The following DDAH1 variants were observed in gnomAD, a reference collection of about 807,000 sequenced individuals.
The protein encoded by DDAH1 is N(G),N(G)-dimethylarginine dimethylaminohydrolase 1.
In DDAH1, 19 loss-of-function variants were observed where a neutral mutation model predicts 28.8. The observed-to-expected ratio is 0.66, with a 90% CI of 0.46 to 0.97. DDAH1 has a LOEUF of 0.97. Among genes scored for constraint, DDAH1 ranks in the 50% least tolerant of loss-of-function variants. The probability of loss-of-function intolerance (pLI) is 0.00; values close to 1 mark genes in which losing one functional copy is unlikely to be tolerated. For missense variants in DDAH1, 326 were observed against 375.9 expected, an observed-to-expected ratio of 0.87 and a Z score of 1.10; for synonymous variants, 153 against 154.4, an observed-to-expected ratio of 0.99 and a Z score of 0.07.
At chr1:85,324,691 C>A in intron 5 of DDAH1, 49 bp downstream of exon 5, 1 of 1,605,504 alleles carries the variant, frequency 6.2e-7, no homozygotes, top group African/African-American at 1.3e-5. Flanking sequence ...TGAAAAAATC[C>A]CCAGGGAGGC....
chr1:85,490,220 C>A (rs1032794902), intron 2 of DDAH1, among the ~76,000 whole-genome samples: 1 of 152,022 alleles, frequency 6.6e-6, no homozygotes, highest in African/African-American at 2.4e-5. Flanking sequence ...AATATAGGAA[C>A]AATTTGAGGT....
At chr1:85,372,693 G>GT (rs948369970) in intron 1 of DDAH1, among the ~76,000 whole-genome samples, 2 of 151,924 alleles carry the variant, frequency 1.3e-5, no homozygotes, top group African/African-American at 4.8e-5. Flanking sequence ...AACACAGAAG[G>GT]TACTTCATAT....
chr1:85,536,670 G>A (rs559425683), intron 1 of DDAH1, among the ~76,000 whole-genome samples: 1 of 152,062 alleles, frequency 6.6e-6, no homozygotes. Context: ...AAACAGTGTT[G>A]GTAAGGATGT....
At chr1:85,324,086 A>G (rs1661468742) in intron 5 of DDAH1, among the ~76,000 whole-genome samples, 2 of 151,576 alleles carry the variant, frequency 1.3e-5, no homozygotes, top group Non-Finnish European at 2.9e-5. Context: ...CCTGGGCAAT[A>G]TAATGAAACC....
chr1:85,521,012 T>C (rs1232297456), intron 1 of DDAH1, among the ~76,000 whole-genome samples: 8 of 152,206 alleles, frequency 5.3e-5, no homozygotes, highest in African/African-American at 1.9e-4. Context: ...GCTCCTTCCC[T>C]GCTGAAAGTG....
At chr1:85,439,238 T>C (rs1333530712) in intron 1 of DDAH1, among the ~76,000 whole-genome samples, 3 of 152,244 alleles carry the variant, frequency 2.0e-5, no homozygotes, top group African/African-American at 7.2e-5. Context: ...GTAAAGACAA[T>C]TCGCCAACTA....
chr1:85,504,828 A>T (rs1387484727), intron 1 of DDAH1, among the ~76,000 whole-genome samples: 1 of 152,134 alleles, frequency 6.6e-6, no homozygotes, highest in South Asian at 2.1e-4. Context: ...CCTGATAATA[A>T]GAACTATCTG....
At chr1:85,347,875 C>T (rs1648967885) in intron 4 of DDAH1, among the ~76,000 whole-genome samples, 1 of 152,170 alleles carries the variant, frequency 6.6e-6, no homozygotes, top group South Asian at 2.1e-4. Context: ...ACCTGAGTTT[C>T]ACCAACCCAT....
intron 1 of DDAH1, among the ~76,000 whole-genome samples, chr1:85,552,958 A>T (rs1236352215): frequency 1.3e-5 from 2 of 151,902 alleles, no homozygotes; most frequent in Non-Finnish European, 1.5e-5. Context: ...ATGTAGCAGG[A>T]CTTTTGAGGC....
chr1:85,407,529 A>G (rs1344203841), intron 1 of DDAH1, among the ~76,000 whole-genome samples: 5 of 152,224 alleles, frequency 3.3e-5, no homozygotes, highest in African/African-American at 4.8e-5. Context: ...TCTTGCTTTT[A>G]TAACAATCGA....
At chr1:85,441,548 A>G (rs1034058285) in intron 1 of DDAH1, among the ~76,000 whole-genome samples, 2 of 152,170 alleles carry the variant, frequency 1.3e-5, no homozygotes, top group African/African-American at 4.8e-5. Context: ...TCAAAAAAGA[A>G]ATCAGTTGCT....
At chr1:85,342,939 C>T (rs902742604) in intron 4 of DDAH1, among the ~76,000 whole-genome samples, 1 of 152,156 alleles carries the variant, frequency 6.6e-6, no homozygotes, top group African/African-American at 2.4e-5. Context: ...TACTCAGATG[C>T]CTTTAAACCA....
intron 4 of DDAH1, among the ~76,000 whole-genome samples, chr1:85,347,961 G>A (rs754292673): frequency 6.6e-6 from 1 of 152,070 alleles, no homozygotes; most frequent in Non-Finnish European, 1.5e-5. Flanking sequence ...TCACTACAAG[G>A]TAACATGACA....
intron 2 of DDAH1, among the ~76,000 whole-genome samples, chr1:85,353,508 T>A (rs1277163612): frequency 6.6e-6 from 1 of 152,192 alleles, no homozygotes; most frequent in Non-Finnish European, 1.5e-5. Context: ...GAATCTTTTG[T>A]GGCACACTGA....
At chr1:85,401,860 C>T (rs577437321) in intron 1 of DDAH1, among the ~76,000 whole-genome samples, 8 of 152,240 alleles carry the variant, frequency 5.3e-5, no homozygotes, top group Middle Eastern at 3.4e-3. Context: ...ATTAGATTTT[C>T]AGTTATATGT....
At chr1:85,381,796 T>A (rs1651009355) in intron 1 of DDAH1, among the ~76,000 whole-genome samples, 1 of 152,168 alleles carries the variant, frequency 6.6e-6, no homozygotes, top group South Asian at 2.1e-4. Flanking sequence ...TCCAACAGCA[T>A]GTGCTTGCTT....
chr1:85,573,351 C>T (rs1176176437), intron 1 of DDAH1, among the ~76,000 whole-genome samples: 3 of 152,164 alleles, frequency 2.0e-5, no homozygotes, highest in East Asian at 1.9e-4. Context: ...AAATAAAACA[C>T]GAAAGGCAGA....
chr1:85,338,222 T>C lies in DDAH1; in HGVS notation c.597+12193A>G, dbSNP rs182695655. ...ATAATAAAAACTCACTGCAGATACA[T>C]TGTATTTTAATATACATATGTTATC... On this transcript the variant is annotated intron_variant, in intron 4 of 5. Transcript: ENST00000284031. Among the ~76,000 whole-genome samples, 18 of 152,338 alleles carry C rather than the reference T, an allele frequency of 1.2e-4. No homozygotes were observed. In the South Asian group the frequency reaches 2.7e-3, roughly 23 times the overall value.
intron 1 of DDAH1, among the ~76,000 whole-genome samples, chr1:85,445,567 ATATGCT>A (rs1258534932): frequency 4.6e-5 from 7 of 152,292 alleles, no homozygotes; most frequent in African/African-American, 1.7e-4. Context: ...CCTAAAGGGT[ATATGCT>A]CAATGAAAAT....
Sources: allele counts gnomAD v4.1 joint callset (sites outside exome capture counted in the v4.1 genomes callset), GRCh38; gene constraint gnomAD v4.1.1; transcripts MANE v1.5; gene names NCBI Gene and HGNC (gene_info 2026-07-23, HGNC 2026-07-21).